The following MYCT1 variants were observed in gnomAD, a reference collection of about 807,000 sequenced individuals.
MYCT1 encodes MYC target 1, also known as myc target protein 1.
In MYCT1, 12 loss-of-function variants were observed where a neutral mutation model predicts 15.0. The ratio of observed to expected loss-of-function variants is 0.80; its 90% CI spans 0.51 to 1.29. The LOEUF is 1.29. Among genes scored for constraint, MYCT1 ranks in the 50% most tolerant of loss-of-function variants. The pLI, the probability that MYCT1 is intolerant of heterozygous loss-of-function variation, is 0.00. For missense variants in MYCT1, 287 were observed against 279.1 expected (o/e 1.03, Z -0.20); for synonymous variants, 104 against 102.7 (o/e 1.01, Z -0.07).
chr6:152,724,859 A>T (rs1283605025), downstream of MYCT1, among the ~76,000 whole-genome samples: 1 of 151,942 alleles, frequency 6.6e-6, no homozygotes. Context: ...CAAGATTTTT[A>T]AAATTAATGC....
chr6:152,720,313 T>A (rs1328492074), intron 1 of MYCT1, among the ~76,000 whole-genome samples: 2 of 152,026 alleles, frequency 1.3e-5, no homozygotes, highest in Non-Finnish European at 2.9e-5. Flanking sequence ...ATAGCTTCAA[T>A]TCCATTGCAT....
intron 1 of MYCT1, among the ~76,000 whole-genome samples, chr6:152,718,944 A>C (rs1386532991): frequency 6.6e-6 from 1 of 152,108 alleles, no homozygotes; most frequent in Admixed American, 6.5e-5. Flanking sequence ...TGTAAATTTG[A>C]GTATTTGTCT....
chr6:152,722,435 T>C lies in MYCT1; in HGVS notation c.*182T>C. On this transcript the variant is annotated 3_prime_UTR_variant, in exon 2 of 2. Coordinates refer to ENST00000367245, the MANE Select transcript of MYCT1 (RefSeq NM_025107.3). ...ACATTTTCTTCAAACACGTTTTCCC[T>C]TTTGTTTCAAAAAATGTAATATTTT... 1.7e-6 allele frequency: 1 copy of C among 583,960 alleles called. No individual in the cohort carries two copies. The highest frequency in any genetic ancestry group is 2.8e-6 in the Non-Finnish European group (1 of 352,034). 36.2% of individuals were successfully genotyped at this position (583,960 alleles called of 1,614,324 possible). A position where few individuals can be genotyped will look rare whatever the true frequency, so the allele number is the denominator to read the frequency against.
chr6:152,720,365 G>A (rs191067440), intron 1 of MYCT1, among the ~76,000 whole-genome samples: 11 of 152,108 alleles, frequency 7.2e-5, no homozygotes, highest in African/African-American at 2.7e-4. Context: ...CAGATTCAAG[G>A]GGTGGGGAAA....
chr6:152,698,709 A>C (rs925819371), intron 1 of MYCT1, among the ~76,000 whole-genome samples: 25 of 152,226 alleles, frequency 1.6e-4, no homozygotes, highest in Non-Finnish European at 2.9e-5. Flanking sequence ...AATTTGAGAA[A>C]ACTATAGTAG....
chr6:152,719,821 G>A (rs781699176), intron 1 of MYCT1, among the ~76,000 whole-genome samples: 13 of 152,042 alleles, frequency 8.6e-5, no homozygotes, highest in Admixed American at 6.6e-4. Context: ...AAGAACCTTG[G>A]CAATCATAAA....
chr6:152,747,092 T>A, the MYCT1 span, among the ~76,000 whole-genome samples: 739 of 152,048 alleles, frequency 4.9e-3, 5 homozygotes, highest in African/African-American at 0.017. Context: ...TAAGTTCAAA[T>A]TTTCTAATTT....
chr6:152,717,099 T>C (rs2099723820), intron 1 of MYCT1, among the ~76,000 whole-genome samples: 1 of 152,174 alleles, frequency 6.6e-6, no homozygotes, highest in South Asian at 2.1e-4. Flanking sequence ...GTATGACCAG[T>C]AGATGCTGCT....
chr6:152,698,055 T>A lies in MYCT1; in HGVS notation c.153T>A (p.Asn51Lys), dbSNP rs752455853. 5 of 1,604,916 alleles carry A rather than the reference T, an allele frequency of 3.1e-6. No homozygotes were observed. Among genetic ancestry groups the A allele is most frequent in the Non-Finnish European group, 4.2e-6 (5 of 1,177,334 alleles). Residue 51 changes from asparagine to lysine, a missense_variant, in exon 1 of 2, where the codon AAT (asparagine) becomes AAA (lysine). Physicochemically the swap from Asn to Lys is moderately conservative, Grantham distance 94. Coordinates refer to ENST00000367245, the MANE Select transcript of MYCT1 (RefSeq NM_025107.3). ...FLLFLVDIMA[N>K]NTTSLGSPWP... ...TATTTCTTGTGGATATTATGGCTAA[T>A]AACACAACAAGTTTAGGGAGTCCAT...
At chr6:152,729,899 A>G in the MYCT1 span, among the ~76,000 whole-genome samples, 9,764 of 152,264 alleles carry the variant, frequency 0.064, 497 homozygotes, top group East Asian at 0.17. Flanking sequence ...GGATCCAGAC[A>G]GAGTCAGGCA....
At chr6:152,704,593 T>C (rs2099721937) in intron 1 of MYCT1, among the ~76,000 whole-genome samples, 1 of 152,176 alleles carries the variant, frequency 6.6e-6, no homozygotes, top group South Asian at 2.1e-4. Flanking sequence ...TTATTATTTC[T>C]TTGTGCAAGA....
At chr6:152,717,526 CTGAG>C in intron 1 of MYCT1, among the ~76,000 whole-genome samples, 1 of 152,136 alleles carries the variant, frequency 6.6e-6, no homozygotes, top group Admixed American at 6.5e-5. Flanking sequence ...TCTTGTGATA[CTGAG>C]TAAGTCTCAC....
At chr6:152,735,571 G>C in the MYCT1 span, among the ~76,000 whole-genome samples, 1 of 152,044 alleles carries the variant, frequency 6.6e-6, no homozygotes, top group African/African-American at 2.4e-5. Context: ...CTAAATAGAG[G>C]TGAAGAGGAA....
the MYCT1 span, among the ~76,000 whole-genome samples, chr6:152,745,012 A>T: frequency 6.6e-6 from 1 of 152,176 alleles, no homozygotes; most frequent in Non-Finnish European, 1.5e-5. Flanking sequence ...GTTGGAGACC[A>T]GCTGGAACAA....
chr6:152,713,132 T>A (rs758799788), intron 1 of MYCT1, among the ~76,000 whole-genome samples: 6 of 152,096 alleles, frequency 3.9e-5, no homozygotes, highest in Non-Finnish European at 7.4e-5. Flanking sequence ...ATAAGTTCTA[T>A]TAATACACCT....
chr6:152,731,603 G>C, the MYCT1 span, among the ~76,000 whole-genome samples: 1 of 152,246 alleles, frequency 6.6e-6, no homozygotes, highest in Admixed American at 6.5e-5. Flanking sequence ...TCCCACCTAT[G>C]AGTGAGAACA....
the MYCT1 span, among the ~76,000 whole-genome samples, chr6:152,743,564 C>A: frequency 1.3e-5 from 2 of 152,204 alleles, no homozygotes; most frequent in Non-Finnish European, 2.9e-5. Flanking sequence ...ATTGCTCAAC[C>A]GTCCCGGTAA....
intron 1 of MYCT1, chr6:152,705,955 C>T (rs796743302): frequency 1.3e-6 from 1 of 778,610 alleles, no homozygotes; most frequent in Admixed American, 1.7e-5. Flanking sequence ...GTGGAAAAAG[C>T]AATTATTGAC....
chr6:152,740,287 G>T, the MYCT1 span, among the ~76,000 whole-genome samples: 3 of 151,954 alleles, frequency 2.0e-5, no homozygotes, highest in Non-Finnish European at 4.4e-5. Context: ...CAACCTCAGG[G>T]CATTGGCCCA....
Sources: gnomAD v4.1 joint callset for allele counts (sites outside exome capture counted in the v4.1 genomes callset) on GRCh38, gnomAD v4.1.1 for gene constraint, MANE v1.5 for transcripts, NCBI Gene and HGNC (gene_info 2026-07-23, HGNC 2026-07-21) for gene names.